The following TLE1 variants were observed in gnomAD, a reference collection of about 807,000 sequenced individuals.
The protein encoded by TLE1 is transducin-like enhancer protein 1.
In TLE1, 21 loss-of-function variants were observed where a neutral mutation model predicts 89.8. The ratio of observed to expected loss-of-function variants is 0.23; its 90% CI spans 0.17 to 0.34. The LOEUF (loss-of-function observed/expected upper bound fraction) is 0.34. Among genes scored for constraint, TLE1 ranks in the 10% least tolerant of loss-of-function variants. The pLI, the probability that TLE1 is intolerant of heterozygous loss-of-function variation, is 1.00. For missense variants in TLE1, 795 were observed against 1,031.2 expected, an observed-to-expected ratio of 0.77 and a Z score of 3.14; for synonymous variants, 447 against 407.6, an observed-to-expected ratio of 1.10 and a Z score of -1.16.
intron 4 of TLE1, among the ~76,000 whole-genome samples, chr9:81,673,678 C>G (rs559182106): frequency 1.3e-5 from 2 of 152,146 alleles, no homozygotes; most frequent in East Asian, 3.9e-4. Flanking sequence ...AGTATCCACA[C>G]AAAGGGAGGC....
At chr9:81,611,999 A>C in intron 12 of TLE1, 40 bp from the exon 13 acceptor site, 1 of 1,379,812 alleles carries the variant, frequency 7.2e-7, no homozygotes, top group East Asian at 2.8e-5. Context: ...CAACTGACCC[A>C]CTCCATCAAA....
intron 4 of TLE1, among the ~76,000 whole-genome samples, chr9:81,660,934 A>AAGAC (rs1191438998): frequency 6.8e-5 from 6 of 88,818 alleles, no homozygotes; most frequent in African/African-American, 2.6e-4. Context: ...ATCCCTACTA[A>AAGAC]ACACACACAC....
chr9:81,687,743 G>T (rs1167473546), intron 1 of TLE1, among the ~76,000 whole-genome samples: 1 of 152,078 alleles, frequency 6.6e-6, no homozygotes, highest in Non-Finnish European at 1.5e-5. Context: ...CCAGATTGTC[G>T]GTGTCGCCGC....
chr9:81,618,867 T>C (rs7045319), intron 9 of TLE1, among the ~76,000 whole-genome samples: 31,861 of 152,106 alleles, frequency 0.21, 6,428 homozygotes, highest in East Asian at 0.58. Flanking sequence ...TCTGCAAATA[T>C]AAACCTTCAC....
chr9:81,621,503 A>G (rs1825250552), intron 8 of TLE1, among the ~76,000 whole-genome samples: 1 of 152,344 alleles, frequency 6.6e-6, no homozygotes, highest in Admixed American at 6.5e-5. Context: ...AGATAACCCC[A>G]ATCTCTGAAA....
At chr9:81,601,072 GT>G (rs1456433807) in intron 14 of TLE1, among the ~76,000 whole-genome samples, 32 of 152,176 alleles carry the variant, frequency 2.1e-4, no homozygotes, top group Non-Finnish European at 4.0e-4. Flanking sequence ...CATATCTATA[GT>G]TTATTGGTTC....
chr9:81,587,371 A>C (rs923017667), intron 17 of TLE1, among the ~76,000 whole-genome samples: 3 of 152,210 alleles, frequency 2.0e-5, no homozygotes, highest in Non-Finnish European at 4.4e-5. Flanking sequence ...GCCACAGATC[A>C]AACACTGCTG....
intron 6 of TLE1, among the ~76,000 whole-genome samples, chr9:81,648,918 G>A (rs956157887): frequency 6.6e-6 from 1 of 152,128 alleles, no homozygotes; most frequent in Admixed American, 6.5e-5. Context: ...GTTTTCTAAG[G>A]CCTAAGTGAG....
chr9:81,646,504 TAAAG>T (rs1468456661), intron 6 of TLE1, among the ~76,000 whole-genome samples: 14 of 152,234 alleles, frequency 9.2e-5, no homozygotes, highest in Admixed American at 9.2e-4. Context: ...ATTTGTTTTA[TAAAG>T]AAACTTACAG....
chr9:81,676,608 G>C (rs1381639000), intron 4 of TLE1, among the ~76,000 whole-genome samples: 1 of 152,170 alleles, frequency 6.6e-6, no homozygotes, highest in Non-Finnish European at 1.5e-5. Context: ...AGACAGGAAG[G>C]GAAAGTACTC....
At chr9:81,670,595 A>G (rs1351067812) in intron 4 of TLE1, among the ~76,000 whole-genome samples, 2 of 151,994 alleles carry the variant, frequency 1.3e-5, no homozygotes, top group Non-Finnish European at 2.9e-5. Flanking sequence ...TCAGCCTCCC[A>G]AAGTGCTGGG....
At chr9:81,593,950 G>C (rs1188358363) in intron 14 of TLE1, among the ~76,000 whole-genome samples, 2 of 152,040 alleles carry the variant, frequency 1.3e-5, no homozygotes, top group African/African-American at 4.8e-5. Flanking sequence ...ACTCTTCCCC[G>C]GTCTCCTTTA....
Position 81,610,243 on chromosome 9 carries a change from C to A in TLE1, c.1308G>T (p.Leu436=), listed in dbSNP as rs1823524976. The change falls in exon 14 of 20, where the codon CTG becomes CTT. Residue 436 remains leucine (L), a synonymous_variant. Transcript: ENST00000376499. ...HMRVPTIPPN[L]AGIPGGKPAY... is the part of the protein sequence containing the mutation. ...ACGGTTTCCCCCCAGGGATTCCTGC[C>A]AGGTTTGGAGGAATGGTAGGTACTC... The A allele has an allele frequency of 6.2e-7, 1 of 1,613,932 alleles. No homozygotes were observed. Among genetic ancestry groups the A allele is most frequent in the Admixed American group, 1.7e-5 (1 of 60,006 alleles).
At chr9:81,664,238 G>A (rs1207923861) in intron 4 of TLE1, among the ~76,000 whole-genome samples, 1 of 146,230 alleles carries the variant, frequency 6.8e-6, no homozygotes, top group Non-Finnish European at 1.5e-5. Context: ...AACACAGCAA[G>A]ACACTGCCTC....
chr9:81,602,254 C>A (rs1016214655), intron 14 of TLE1, among the ~76,000 whole-genome samples: 18 of 152,122 alleles, frequency 1.2e-4, no homozygotes, highest in African/African-American at 4.3e-4. Context: ...GACATGGCAC[C>A]GGAAAAGCAG....
rs548029963 is a variant in TLE1 at position 81,586,245 on chromosome 9, C to T, written c.1978-590G>A. On this transcript the variant is annotated intron_variant, in intron 17 of 19. Coordinates refer to ENST00000376499, the MANE Select transcript of TLE1 (RefSeq NM_005077.5). ...TGCCAGCCAGGATGGTCTCGATCTC[C>T]TGACTTTGTGATCCACCCGCCTCGG... 4.6e-5 allele frequency among the ~76,000 whole-genome samples: 7 copies of T among 152,290 alleles called. No homozygotes were observed. In the East Asian group the frequency reaches 1.4e-3, roughly 29 times the overall value.
intron 16 of TLE1, among the ~76,000 whole-genome samples, chr9:81,589,115 A>G (rs1294626988): frequency 6.6e-6 from 1 of 152,140 alleles, no homozygotes; most frequent in East Asian, 1.9e-4. Flanking sequence ...ACATCCCCAC[A>G]GAACACCCAG....
chr9:81,591,407 C>T (rs1829472074), intron 15 of TLE1, among the ~76,000 whole-genome samples: 2 of 152,166 alleles, frequency 1.3e-5, no homozygotes. Context: ...TTGGAAACTG[C>T]AGGCCCATCC....
intron 4 of TLE1, among the ~76,000 whole-genome samples, chr9:81,679,891 C>T (rs1415157510): frequency 6.6e-6 from 1 of 152,156 alleles, no homozygotes; most frequent in Non-Finnish European, 1.5e-5. Context: ...ACAGCAAAGA[C>T]TCAGATCCAT....
Sources: gnomAD v4.1 joint callset for allele counts (sites outside exome capture counted in the v4.1 genomes callset) on GRCh38, gnomAD v4.1.1 for gene constraint, MANE v1.5 for transcripts, NCBI Gene and HGNC (gene_info 2026-07-23, HGNC 2026-07-21) for gene names.